The following PTPRD variants were observed in gnomAD, a reference collection of about 807,000 sequenced individuals.
PTPRD encodes the protein protein tyrosine phosphatase receptor type D, also known as receptor-type tyrosine-protein phosphatase delta.
A neutral mutation model predicts 214.5 loss-of-function variants in PTPRD; 34 were observed. The observed-to-expected ratio is 0.16, with a 90% CI of 0.12 to 0.21. The LOEUF is 0.21. Ranked by LOEUF, PTPRD falls within the 10% of genes least tolerant of loss-of-function variation. The pLI is 1.00. For synonymous variants in PTPRD, 1,128 were observed against 845.7 expected (o/e 1.33, Z -5.79); for missense variants, 2,545 against 2,398.7 (o/e 1.06, Z -1.27).
At chr9:10,240,394 A>C (rs2099643624) in intron 3 of PTPRD, among the ~76,000 whole-genome samples, 1 of 151,882 alleles carries the variant, frequency 6.6e-6, no homozygotes, top group Admixed American at 6.6e-5. Context: ...CTCCTAGAGA[A>C]ACAGAAGGTC....
At chr9:8,361,557 C>T in intron 39 of PTPRD, among the ~76,000 whole-genome samples, 1 of 152,090 alleles carries the variant, frequency 6.6e-6, no homozygotes, top group East Asian at 1.9e-4. Flanking sequence ...TAATAAATGC[C>T]CTTTACACTA....
At chr9:10,335,857 A>AT in intron 3 of PTPRD, among the ~76,000 whole-genome samples, 1 of 151,720 alleles carries the variant, frequency 6.6e-6, no homozygotes, top group East Asian at 2.0e-4. Context: ...TCACCATGTC[A>AT]TCAGGGAAAA....
chr9:10,560,227 C>G (rs2063571033), intron 2 of PTPRD, among the ~76,000 whole-genome samples: 2 of 152,084 alleles, frequency 1.3e-5, no homozygotes, highest in South Asian at 4.1e-4. Flanking sequence ...ACTATGCAGC[C>G]ATAAAAAATG....
chr9:9,161,127 T>C (rs1381178387), intron 10 of PTPRD, among the ~76,000 whole-genome samples: 2 of 152,102 alleles, frequency 1.3e-5, no homozygotes, highest in African/African-American at 2.4e-5. Flanking sequence ...TTAAGCTCTA[T>C]TGCACGGCAG....
chr9:9,831,126 C>A (rs185697410), intron 5 of PTPRD, among the ~76,000 whole-genome samples: 33 of 151,928 alleles, frequency 2.2e-4, no homozygotes, highest in African/African-American at 7.2e-4. Flanking sequence ...GCACTGATGT[C>A]GTCATTAAGC....
At chr9:8,483,522 G>A (rs1233335057) in intron 30 of PTPRD, among the ~76,000 whole-genome samples, 1 of 152,194 alleles carries the variant, frequency 6.6e-6, no homozygotes, top group Non-Finnish European at 1.5e-5. Flanking sequence ...GGAGGCTGAG[G>A]TAGGTGGATC....
chr9:9,275,535 C>T (rs758542784), intron 9 of PTPRD, among the ~76,000 whole-genome samples: 12 of 150,930 alleles, frequency 8.0e-5, no homozygotes, highest in Non-Finnish European at 1.5e-4. Context: ...CAACAGGTTC[C>T]ATTAGCCAAG....
At chr9:9,054,853 T>G (rs557696801) in intron 10 of PTPRD, among the ~76,000 whole-genome samples, 1 of 152,300 alleles carries the variant, frequency 6.6e-6, no homozygotes, top group Non-Finnish European at 1.5e-5. Context: ...TTTTATATTC[T>G]CTGCTAGTGT....
intron 3 of PTPRD, among the ~76,000 whole-genome samples, chr9:10,198,973 T>C (rs949447089): frequency 1.3e-5 from 2 of 152,194 alleles, no homozygotes; most frequent in Admixed American, 1.3e-4. Flanking sequence ...CTAAGTGATG[T>C]TCACAGAGTT....
At chr9:9,989,016 C>CAAAAAAAAAA (rs397836899) in intron 4 of PTPRD, among the ~76,000 whole-genome samples, 387 of 36,252 alleles carry the variant, frequency 0.011, 79 homozygotes, top group African/African-American at 0.028. Context: ...TTTCACTGAC[C>CAAAAAAAAAA]AAAAAAAAAA....
intron 5 of PTPRD, among the ~76,000 whole-genome samples, chr9:9,917,123 A>C (rs1360555640): frequency 1.3e-5 from 2 of 151,406 alleles, no homozygotes; most frequent in Non-Finnish European, 3.0e-5. Context: ...AAAAATTGTA[A>C]ATAAACAATC....
At chr9:9,679,847 G>C (rs2097027443) in intron 7 of PTPRD, among the ~76,000 whole-genome samples, 1 of 151,826 alleles carries the variant, frequency 6.6e-6, no homozygotes, top group African/African-American at 2.4e-5. Flanking sequence ...AATCTTCCTA[G>C]AAATCTGGAG....
chr9:10,389,117 T>C (rs2097996229), intron 2 of PTPRD, among the ~76,000 whole-genome samples: 5 of 151,868 alleles, frequency 3.3e-5, no homozygotes, highest in Non-Finnish European at 7.4e-5. Flanking sequence ...GCTCCTGTTA[T>C]GTAAAATTAA....
chr9:9,508,279 C>A (rs1469831421), intron 8 of PTPRD, among the ~76,000 whole-genome samples: 1 of 151,490 alleles, frequency 6.6e-6, no homozygotes, highest in Admixed American at 6.6e-5. Context: ...GTGGCCCCTA[C>A]CACTAATGAG....
At chr9:9,125,284 G>A (rs1202786930) in intron 10 of PTPRD, among the ~76,000 whole-genome samples, 2 of 152,116 alleles carry the variant, frequency 1.3e-5, no homozygotes, top group Non-Finnish European at 2.9e-5. Context: ...CCTGTCATGG[G>A]AGCACCTCGC....
intron 5 of PTPRD, among the ~76,000 whole-genome samples, chr9:9,804,918 T>C (rs2099063498): frequency 6.6e-6 from 1 of 151,958 alleles, no homozygotes; most frequent in Non-Finnish European, 1.5e-5. Flanking sequence ...TATATGATTG[T>C]TCTAAAGGTG....
At chr9:10,061,127 T>C (rs1341333338) in intron 3 of PTPRD, among the ~76,000 whole-genome samples, 1 of 151,806 alleles carries the variant, frequency 6.6e-6, no homozygotes, top group Non-Finnish European at 1.5e-5. Context: ...GATATATTCC[T>C]TTTGATTTAA....
intron 2 of PTPRD, among the ~76,000 whole-genome samples, chr9:10,531,612 G>T (rs1418947070): frequency 6.6e-6 from 1 of 152,094 alleles, no homozygotes; most frequent in South Asian, 2.1e-4. Context: ...GTGGTGAAAG[G>T]GAAGTTCTCT....
intron 11 of PTPRD, among the ~76,000 whole-genome samples, chr9:8,845,500 C>T (rs537735505): frequency 1.3e-4 from 20 of 152,352 alleles, no homozygotes; most frequent in African/African-American, 4.1e-4. Context: ...TACAAGCCAT[C>T]AAATATGCCA....
Sources: gnomAD v4.1 joint callset for allele counts (sites outside exome capture counted in the v4.1 genomes callset) on GRCh38, gnomAD v4.1.1 for gene constraint, MANE v1.5 for transcripts, NCBI Gene and HGNC (gene_info 2026-07-23, HGNC 2026-07-21) for gene names.